The following BRD4 variants were observed in gnomAD, a reference collection of about 807,000 sequenced individuals.
The protein encoded by BRD4 is bromodomain containing 4, also known as bromodomain-containing protein 4.
BRD4 carries 16 observed loss-of-function variants against 142.1 expected under a neutral mutation model. That is an observed-to-expected ratio of 0.11 (90% CI 0.08 to 0.17). The LOEUF is 0.17. Among genes scored for constraint, BRD4 ranks in the 10% least tolerant of loss-of-function variants. The pLI, the probability that BRD4 is intolerant of heterozygous loss-of-function variation, is 1.00. For missense variants in BRD4, 1,424 were observed against 1,810.9 expected, an observed-to-expected ratio of 0.79 and a Z score of 3.88; for synonymous variants, 833 against 707.5, an observed-to-expected ratio of 1.18 and a Z score of -2.82.
chr19:15,245,399 C>G (rs983691397), intron 11 of BRD4, among the ~76,000 whole-genome samples: 2 of 152,146 alleles, frequency 1.3e-5, no homozygotes, highest in African/African-American at 2.4e-5. Context: ...AAAAAAGGAG[C>G]AGGCTGGCCT....
In BRD4 at chr19:15,257,049, C is replaced by T; in HGVS notation, c.1466G>A (p.Ser489Asn). The change falls in exon 8 of 20, where the codon AGC becomes AAC. Residue 489 changes from serine (S) to asparagine (N), a missense_variant. Ser to Asn is a conservative substitution (Grantham distance 46, BLOSUM62 1). This residue lies in a region of BRD4 where 90 missense variants were observed against 93.2 expected (regional missense o/e 0.97). Coordinates refer to ENST00000679869, the MANE Select transcript of BRD4 (RefSeq NM_001379291.1). ...GTCACTGTCCGAGGAGCTATCGCTG[C>T]TGCTGTCGCTGGATGAGGGCGGGGC... Reference protein sequence around the residue: ...VVAPPSSSDSSSDSSSDSDSS... With the variant: ...VVAPPSSSDSNSDSSSDSDSS... 1 of 1,601,348 alleles carries T rather than the reference C, an allele frequency of 6.2e-7. No individual in the cohort carries two copies. Among genetic ancestry groups the T allele is most frequent in the South Asian group, 1.1e-5 (1 of 88,456 alleles).
intron 1 of BRD4, among the ~76,000 whole-genome samples, chr19:15,319,356 C>T (rs1320644864): frequency 6.6e-6 from 1 of 151,926 alleles, no homozygotes; most frequent in African/African-American, 2.4e-5. Flanking sequence ...TCCCAGCTAC[C>T]TGGGAGGCTG....
chr19:15,239,320 G>A lies in BRD4; in HGVS notation c.3577-56C>T. ...GGGTCTGCTGTGCCTAAAGGGCATA[G>A]CTGGGGGTGTGCCCAGCATGGCACC... On this transcript the variant is annotated intron_variant, in intron 17 of 19. Transcript: ENST00000679869. The surrounding 1 kb of genome is among the most constrained non-coding windows in gnomAD (Gnocchi z 7.4). 1 of 1,614,042 alleles carries A rather than the reference G, an allele frequency of 6.2e-7. No individual in the cohort carries two copies.
At chr19:15,248,889 G>A (rs2047315641) in intron 11 of BRD4, 1 of 336,540 alleles carries the variant, frequency 3.0e-6, no homozygotes, top group Non-Finnish European at 5.5e-6. Context: ...AAGAGGGATG[G>A]GACAAAGAGA....
chr19:15,236,976 A>G lies in BRD4; in HGVS notation c.*1401T>C, dbSNP rs1181643057. 4 of 201,214 alleles carry G rather than the reference A, an allele frequency of 2.0e-5. No homozygotes were observed. Among genetic ancestry groups the G allele is most frequent in the Middle Eastern group, 1.7e-3 (1 of 606 alleles). 12.5% of individuals were successfully genotyped at this position (201,214 alleles called of 1,614,324 possible). A position where few individuals can be genotyped will look rare whatever the true frequency, so the allele number is the denominator to read the frequency against. Reference sequence around the variant, plus strand: ...GCGTCGTGGTGTAGAGTGGGTTCTCATGGCACGCGTAACCTCACCAGGGGC... The same window carrying G: ...GCGTCGTGGTGTAGAGTGGGTTCTCGTGGCACGCGTAACCTCACCAGGGGC... On this transcript the variant is annotated 3_prime_UTR_variant, in exon 20 of 20. Coordinates refer to ENST00000679869, the MANE Select transcript of BRD4 (RefSeq NM_001379291.1).
At chr19:15,260,798 C>CA (rs34986127) in intron 7 of BRD4, among the ~76,000 whole-genome samples, 3,224 of 77,642 alleles carry the variant, frequency 0.042, 61 homozygotes, top group Middle Eastern at 0.066. Flanking sequence ...GAGAAAAATG[C>CA]AAAAAAAAAA....
rs200162234 is a variant in BRD4, at chr19:15,255,596, C to T, written c.1752-4G>A. 88 of 1,598,882 alleles carry T rather than the reference C, an allele frequency of 5.5e-5. No individual in the cohort carries two copies. Among genetic ancestry groups the T allele is most frequent in the Admixed American group, 1.0e-4 (6 of 59,378 alleles). The stretch of plus-strand genomic sequence containing the variant: ...CATGGGCGCTGGCTCCTTCTTGCTA[C>T]GAAGGGACGATGCAGACACCATCAA... On this transcript the variant is annotated splice_region_variant and splice_polypyrimidine_tract_variant and intron_variant, in intron 9 of 19. Coordinates refer to ENST00000679869, the MANE Select transcript of BRD4 (RefSeq NM_001379291.1).
intron 1 of BRD4, among the ~76,000 whole-genome samples, chr19:15,303,496 A>C (rs371666185): frequency 1.8e-4 from 28 of 152,234 alleles, no homozygotes; most frequent in African/African-American, 6.8e-4. Context: ...GATTCAGAGG[A>C]GAAAAGTAGC....
Position 15,238,329 on chromosome 19 carries a change from A to G in BRD4, c.*48T>C. On this transcript the variant is annotated 3_prime_UTR_variant, in exon 20 of 20. Coordinates refer to ENST00000679869, the MANE Select transcript of BRD4 (RefSeq NM_001379291.1). The surrounding 1 kb of genome is among the most constrained non-coding windows in gnomAD (Gnocchi z 7.2). ...CACCACCGCCCCTAACACTATGGAAAGTCAATGTTTTGCCAGAAAATCAAA... is the reference window on the plus strand; with the variant it reads ...CACCACCGCCCCTAACACTATGGAAGGTCAATGTTTTGCCAGAAAATCAAA... The G allele has an allele frequency of 6.2e-7, 1 of 1,612,572 alleles. No individual in the cohort carries two copies. The highest frequency in any genetic ancestry group is 1.7e-5 in the Admixed American group (1 of 59,916).
At chr19:15,245,328 G>A (rs1470420815) in intron 11 of BRD4, among the ~76,000 whole-genome samples, 1 of 152,114 alleles carries the variant, frequency 6.6e-6, no homozygotes, top group Non-Finnish European at 1.5e-5. Context: ...GGGGCTGAGA[G>A]CCACAGGACG....
In BRD4 at chr19:15,253,823, C is replaced by A. The variant is rs776841001; in HGVS notation, c.2158+329G>T. On this transcript the variant is annotated intron_variant, in intron 11 of 19. Coordinates refer to ENST00000679869, the MANE Select transcript of BRD4 (RefSeq NM_001379291.1). Reference sequence around the variant, plus strand: ...ATCAAGGTCAACAGCACAGCCTGGACCCCCACGCCCACAGTCCTCATGGCC... The same window carrying A: ...ATCAAGGTCAACAGCACAGCCTGGAACCCCACGCCCACAGTCCTCATGGCC... The A allele has an allele frequency of 4.6e-6, 7 of 1,525,140 alleles. No individual in the cohort carries two copies. The Admixed American group carries it at 7.0e-5, about 15-fold the overall frequency. The allele number at this position is 1,525,140 out of a possible 1,614,324, so 94.5% of individuals were successfully genotyped here.
At chr19:15,328,384 T>C (rs2048127755) in intron 1 of BRD4, among the ~76,000 whole-genome samples, 1 of 152,196 alleles carries the variant, frequency 6.6e-6, no homozygotes, top group Admixed American at 6.5e-5. Context: ...GAAAATACTT[T>C]TGGCAGGTCA....
intron 10 of BRD4, 95 bp from the exon 11 acceptor site, chr19:15,254,357 C>G (rs2047383478): frequency 9.3e-7 from 1 of 1,080,132 alleles, no homozygotes; most frequent in African/African-American, 1.5e-5. Flanking sequence ...GAGGAAGGAC[C>G]AGTGAGGAGC....
chr19:15,239,088 C>T lies in BRD4; in HGVS notation c.3753G>A (p.Glu1251=). ...TGCGCTCCTGCCGCAGCCGCTCCTT[C>T]TCCTTCTCAGCGTGCTCGGCCTGAG... ...LKAQAEHAEK[E]KERLRQERMR... Residue 1251 remains glutamate (E), a synonymous_variant, in exon 18 of 20, where the codon GAG becomes GAA. Transcript: ENST00000679869. The surrounding 1 kb of genome is among the most constrained non-coding windows in gnomAD (Gnocchi z 7.4). The T allele has an allele frequency of 6.2e-7, 1 of 1,605,476 alleles. No individual in the cohort carries two copies. The highest frequency in any genetic ancestry group is 8.5e-7 in the Non-Finnish European group (1 of 1,178,908).
At chr19:15,308,993 A>C in intron 1 of BRD4, among the ~76,000 whole-genome samples, 1 of 149,982 alleles carries the variant, frequency 6.7e-6, no homozygotes, top group Non-Finnish European at 1.5e-5. Flanking sequence ...CCAGCCTGGG[A>C]GACAGAGCAA....
chr19:15,297,369 C>G (rs748092548), intron 1 of BRD4, among the ~76,000 whole-genome samples: 11 of 152,188 alleles, frequency 7.2e-5, no homozygotes, highest in African/African-American at 1.4e-4. Context: ...ATCAGATGGA[C>G]TATACTGCTG....
intron 11 of BRD4, among the ~76,000 whole-genome samples, chr19:15,250,086 C>T (rs1047857638): frequency 4.6e-5 from 7 of 152,146 alleles, no homozygotes; most frequent in Non-Finnish European, 1.0e-4. Context: ...ACGGATGCAA[C>T]CGACGTGCTA....
rs777351078 is a variant in BRD4, at chr19:15,316,447, C to A, written c.-35+15843G>T. Among the ~76,000 whole-genome samples the A allele has an allele frequency of 5.3e-5, 8 of 152,040 alleles. No individual in the cohort carries two copies. In the East Asian group the frequency reaches 1.4e-3, roughly 26 times the overall value. The stretch of plus-strand genomic sequence containing the variant: ...TCTAATAAAAATACAAAAAAACAGT[C>A]GGGCATGGTGGCGCATGCCTGTAAT... On this transcript the variant is annotated intron_variant, in intron 1 of 19. Coordinates refer to ENST00000679869, the MANE Select transcript of BRD4 (RefSeq NM_001379291.1).
At chr19:15,293,386 A>G (rs2047799227) in intron 1 of BRD4, among the ~76,000 whole-genome samples, 5 of 152,214 alleles carry the variant, frequency 3.3e-5, no homozygotes, top group African/African-American at 4.8e-5. Flanking sequence ...CCAGATCATA[A>G]GCAGACCATT....
Sources: gnomAD v4.1 joint callset for allele counts (sites outside exome capture counted in the v4.1 genomes callset) on GRCh38, gnomAD v4.1.1 for gene constraint, gnomAD v4.1.1 regional missense constraint, Gnocchi (gnomAD v3.1) non-coding constraint, MANE v1.5 for transcripts, NCBI Gene and HGNC (gene_info 2026-07-23, HGNC 2026-07-21) for gene names.